The following CDK14 variants were observed in gnomAD, a reference collection of about 807,000 sequenced individuals.
The protein encoded by CDK14 is cyclin dependent kinase 14, also known as cyclin-dependent kinase 14.
CDK14 carries 34 observed loss-of-function variants against 60.7 expected under a neutral mutation model. The observed-to-expected ratio is 0.56, with a 90% CI of 0.43 to 0.75. The LOEUF (loss-of-function observed/expected upper bound fraction) is 0.75, where lower values mean the gene tolerates loss of function less well. Among genes scored for constraint, CDK14 ranks in the 30% least tolerant of loss-of-function variants. The pLI is 0.00. For synonymous variants in CDK14, 197 were observed against 203.7 expected (o/e 0.97, Z 0.28); for missense variants, 482 against 564.1 (o/e 0.85, Z 1.47).
At position 91,003,913 on chromosome 7, in the gene CDK14, C is replaced by T. The variant is rs572856110; in HGVS notation, c.1041+19672C>T. Reference sequence around the variant, plus strand: ...TTAAAATGTCAGATTATGCTGGTCCCCGTGTATCACCCTTTGATAACTTGC... The same window carrying T: ...TTAAAATGTCAGATTATGCTGGTCCTCGTGTATCACCCTTTGATAACTTGC... On this transcript the variant is annotated intron_variant, in intron 10 of 14. Transcript: ENST00000380050. 2.6e-5 allele frequency among the ~76,000 whole-genome samples: 4 copies of T among 152,252 alleles called. No individual in the cohort carries two copies. The East Asian group carries it at 5.8e-4, about 22-fold the overall frequency.
chr7:91,009,151 G>A (rs1796079564), intron 10 of CDK14, among the ~76,000 whole-genome samples: 1 of 151,990 alleles, frequency 6.6e-6, no homozygotes, highest in Non-Finnish European at 1.5e-5. Context: ...TTTTTTTAGT[G>A]AGCATAACTA....
chr7:90,646,871 TAAC>T (rs1800480217), intron 2 of CDK14, among the ~76,000 whole-genome samples: 1 of 152,172 alleles, frequency 6.6e-6, no homozygotes, highest in Non-Finnish European at 1.5e-5. Flanking sequence ...ATAGTTTTGT[TAAC>T]AACTAAATAT....
chr7:90,679,132 T>G (rs1656313564), intron 2 of CDK14, among the ~76,000 whole-genome samples: 1 of 152,096 alleles, frequency 6.6e-6, no homozygotes, highest in Admixed American at 6.5e-5. Flanking sequence ...AAACACTTTT[T>G]GTAGAGATGA....
At chr7:91,164,893 A>G (rs1279644370) in intron 14 of CDK14, among the ~76,000 whole-genome samples, 2 of 152,198 alleles carry the variant, frequency 1.3e-5, no homozygotes, top group South Asian at 4.1e-4. Flanking sequence ...CTGGTGATCC[A>G]AGGTTGGGGT....
chr7:91,030,782 A>G (rs553735172), intron 10 of CDK14, among the ~76,000 whole-genome samples: 1 of 152,306 alleles, frequency 6.6e-6, no homozygotes, highest in Admixed American at 6.5e-5. Context: ...CACTTCTTCT[A>G]AGTCACCGTT....
chr7:90,641,825 T>C (rs985944444), intron 2 of CDK14, among the ~76,000 whole-genome samples: 1 of 152,158 alleles, frequency 6.6e-6, no homozygotes, highest in African/African-American at 2.4e-5. Flanking sequence ...CTGGGCAATT[T>C]ACAAAAGAAA....
chr7:90,861,893 T>C (rs560385252), intron 5 of CDK14, among the ~76,000 whole-genome samples: 1 of 152,328 alleles, frequency 6.6e-6, no homozygotes, highest in South Asian at 2.1e-4. Flanking sequence ...TAGTGCATTT[T>C]GGTTGCAAAA....
intron 6 of CDK14, 67 bp downstream of exon 6, chr7:90,863,336 T>C: frequency 1.1e-6 from 1 of 925,364 alleles, no homozygotes; most frequent in South Asian, 1.6e-5. Context: ...AGTGTTGTCA[T>C]AGAATTTCGT....
At chr7:90,847,257 G>A (rs1048982495) in intron 5 of CDK14, among the ~76,000 whole-genome samples, 1 of 152,096 alleles carries the variant, frequency 6.6e-6, no homozygotes, top group African/African-American at 2.4e-5. Flanking sequence ...CATATCTTCC[G>A]AGGTTAGATA....
chr7:91,204,085 T>C (rs1434607730), intron 14 of CDK14, among the ~76,000 whole-genome samples: 2 of 152,150 alleles, frequency 1.3e-5, no homozygotes, highest in Non-Finnish European at 2.9e-5. Context: ...GTGAGCCTTA[T>C]GGAGAACTGC....
At chr7:90,981,709 G>T (rs896733567) in intron 9 of CDK14, among the ~76,000 whole-genome samples, 1 of 152,008 alleles carries the variant, frequency 6.6e-6, no homozygotes, top group East Asian at 1.9e-4. Flanking sequence ...CAATATGTTC[G>T]TGGTTTTATT....
At chr7:90,642,055 C>T (rs1800351172) in intron 2 of CDK14, among the ~76,000 whole-genome samples, 1 of 152,196 alleles carries the variant, frequency 6.6e-6, no homozygotes, top group East Asian at 1.9e-4. Flanking sequence ...CTGGCTCCCT[C>T]CCACAACACA....
intron 14 of CDK14, among the ~76,000 whole-genome samples, chr7:91,160,420 A>G (rs541608117): frequency 1.3e-5 from 2 of 152,288 alleles, no homozygotes; most frequent in East Asian, 3.9e-4. Flanking sequence ...GGTCCCTACC[A>G]GTTTTACCCA....
intron 5 of CDK14, among the ~76,000 whole-genome samples, chr7:90,810,539 G>C (rs1219193471): frequency 1.3e-5 from 2 of 152,170 alleles, no homozygotes; most frequent in African/African-American, 2.4e-5. Context: ...AAAACTGGAA[G>C]CATTCCCTTT....
intron 7 of CDK14, among the ~76,000 whole-genome samples, chr7:90,903,619 G>A (rs1009769821): frequency 3.9e-5 from 6 of 152,088 alleles, no homozygotes; most frequent in Non-Finnish European, 5.9e-5. Context: ...CATACTGTTT[G>A]ATAGAAGGAA....
chr7:90,653,614 G>C (rs1800693182), intron 2 of CDK14, among the ~76,000 whole-genome samples: 1 of 152,042 alleles, frequency 6.6e-6, no homozygotes, highest in South Asian at 2.1e-4. Context: ...CCCAATTTGA[G>C]TGTTTTATGG....
At chr7:90,998,746 G>A (rs1396756148) in intron 10 of CDK14, among the ~76,000 whole-genome samples, 1 of 152,126 alleles carries the variant, frequency 6.6e-6, no homozygotes, top group African/African-American at 2.4e-5. Flanking sequence ...AAAATTAGCT[G>A]GGTGTGGTTG....
At chr7:90,668,998 G>A (rs920610987) in intron 2 of CDK14, among the ~76,000 whole-genome samples, 5 of 151,888 alleles carry the variant, frequency 3.3e-5, no homozygotes, top group Non-Finnish European at 7.4e-5. Context: ...TTACAGGCAT[G>A]AGCCAGTGTG....
intron 8 of CDK14, among the ~76,000 whole-genome samples, chr7:90,924,446 G>C (rs1203557810): frequency 6.6e-6 from 1 of 152,146 alleles, no homozygotes; most frequent in Non-Finnish European, 1.5e-5. Context: ...TTAGAGTTTG[G>C]CAATTGCCTA....
Sources: gnomAD v4.1 joint callset for allele counts (sites outside exome capture counted in the v4.1 genomes callset) on GRCh38, gnomAD v4.1.1 for gene constraint, MANE v1.5 for transcripts, NCBI Gene and HGNC (gene_info 2026-07-23, HGNC 2026-07-21) for gene names.